Variants in NRXN1 observed in about 807,000 individuals in gnomAD.
NRXN1 encodes neurexin 1.
NRXN1 carries 39 observed loss-of-function variants against 150.9 expected under a neutral mutation model. The ratio of observed to expected loss-of-function variants is 0.26; its 90% confidence interval spans 0.20 to 0.34. The LOEUF (loss-of-function observed/expected upper bound fraction) is 0.34. NRXN1 is among the 10% of genes least tolerant of loss of function. The probability of loss-of-function intolerance (pLI) is 1.00; values close to 1 mark genes in which losing one functional copy is unlikely to be tolerated. For synonymous variants in NRXN1, 924 were observed against 757.0 expected, an observed-to-expected ratio of 1.22 and a Z score of -3.62; for missense variants, 1,815 against 1,949.9, an observed-to-expected ratio of 0.93 and a Z score of 1.30.
In NRXN1 at chr2:50,616,883, T is replaced by G. The variant is rs114406165; in HGVS notation, c.1320+3139A>C. ...CATAATTAAGGGTTTACACATGCAG[T>G]GTGCTATCGACCAGGAAGTCCAAGC... On this transcript the variant is annotated intron_variant, in intron 8 of 22. Coordinates refer to ENST00000401669, the MANE Select transcript of NRXN1 (RefSeq NM_001330078.2). Among the ~76,000 whole-genome samples, 406 of 152,318 alleles carry G rather than the reference T, an allele frequency of 2.7e-3. 1 individual carries two copies. The highest frequency in any genetic ancestry group is 9.5e-3 in the African/African-American group (393 of 41,568).
At chr2:50,639,331 C>T (rs1683726798) in intron 5 of NRXN1, among the ~76,000 whole-genome samples, 1 of 151,222 alleles carries the variant, frequency 6.6e-6, no homozygotes, top group African/African-American at 2.4e-5. Context: ...AGCGATTCTC[C>T]TGCCTCAGGC....
intron 17 of NRXN1, among the ~76,000 whole-genome samples, chr2:50,382,561 G>A (rs1422214552): frequency 6.6e-6 from 1 of 152,124 alleles, no homozygotes; most frequent in East Asian, 1.9e-4. Flanking sequence ...ATTTTTCTTT[G>A]ATATTTATTA....
chr2:50,372,140 T>C (rs1281857419), intron 17 of NRXN1, among the ~76,000 whole-genome samples: 1 of 152,078 alleles, frequency 6.6e-6, no homozygotes, highest in East Asian at 1.9e-4. Flanking sequence ...CCCTCAGTAT[T>C]CTAGTCACCA....
At chr2:50,019,947 CAAAAAAAA>C (rs1161865745) in intron 21 of NRXN1, among the ~76,000 whole-genome samples, 726 of 43,366 alleles carry the variant, frequency 0.017, 34 homozygotes, top group African/African-American at 0.047. Flanking sequence ...GACTCCGTCT[CAAAAAAAA>C]AAAAAAAAAA....
chr2:50,422,828 G>A (rs1028948533), intron 17 of NRXN1, among the ~76,000 whole-genome samples: 6 of 152,154 alleles, frequency 3.9e-5, no homozygotes, highest in Admixed American at 6.5e-5. Context: ...AGGCAGTTAC[G>A]TGGATAAATC....
chr2:49,958,859 G>A (rs1025164444), intron 21 of NRXN1, among the ~76,000 whole-genome samples: 2 of 151,974 alleles, frequency 1.3e-5, no homozygotes, highest in Non-Finnish European at 2.9e-5. Context: ...TTGCCCCTTC[G>A]GATCTGCTTT....
At chr2:50,581,019 G>T (rs916178517) in intron 8 of NRXN1, among the ~76,000 whole-genome samples, 2 of 151,958 alleles carry the variant, frequency 1.3e-5, no homozygotes, top group African/African-American at 4.8e-5. Context: ...ATACTTTTTT[G>T]GAGGACAATA....
At chr2:50,394,013 A>G (rs1280868315) in intron 17 of NRXN1, among the ~76,000 whole-genome samples, 1 of 151,990 alleles carries the variant, frequency 6.6e-6, no homozygotes, top group Non-Finnish European at 1.5e-5. Context: ...TTTTTGAAAC[A>G]CTTTATTTTT....
intron 2 of NRXN1, among the ~76,000 whole-genome samples, chr2:50,940,463 GA>G (rs964471989): frequency 1.6e-4 from 22 of 138,972 alleles, no homozygotes; most frequent in African/African-American, 5.6e-4. Flanking sequence ...GACAGAGCAA[GA>G]CTCCATCTCA....
intron 5 of NRXN1, among the ~76,000 whole-genome samples, chr2:50,836,431 A>G (rs996966453): frequency 2.0e-5 from 3 of 152,030 alleles, no homozygotes; most frequent in Non-Finnish European, 4.4e-5. Flanking sequence ...TATTTCTTCT[A>G]TCTATGGAAA....
At chr2:50,360,718 A>C (rs754790976) in intron 17 of NRXN1, among the ~76,000 whole-genome samples, 9 of 152,300 alleles carry the variant, frequency 5.9e-5, no homozygotes, top group South Asian at 4.1e-4. Flanking sequence ...ACAGAAAATT[A>C]ACAAGGATAT....
chr2:50,767,419 G>C (rs1017269195), intron 5 of NRXN1, among the ~76,000 whole-genome samples: 9 of 151,838 alleles, frequency 5.9e-5, no homozygotes, highest in African/African-American at 2.2e-4. Context: ...CCAGTATTTT[G>C]TGTGATATTA....
At chr2:50,077,611 C>T (rs368421945) in intron 19 of NRXN1, among the ~76,000 whole-genome samples, 4 of 152,174 alleles carry the variant, frequency 2.6e-5, no homozygotes, top group South Asian at 2.1e-4. Flanking sequence ...AATGCTCCAG[C>T]GAAGGTGACC....
intron 18 of NRXN1, among the ~76,000 whole-genome samples, chr2:50,221,873 G>A (rs2063919361): frequency 6.6e-6 from 1 of 151,982 alleles, no homozygotes; most frequent in Non-Finnish European, 1.5e-5. Context: ...GCTAGGACAT[G>A]TATGTTTTAC....
chr2:50,652,422 C>T (rs1685776474), intron 5 of NRXN1, among the ~76,000 whole-genome samples: 4 of 152,002 alleles, frequency 2.6e-5, no homozygotes. Flanking sequence ...CCTAAGCAAA[C>T]ACTAATCTTT....
intron 15 of NRXN1, among the ~76,000 whole-genome samples, chr2:50,494,955 T>G (rs1192590508): frequency 6.7e-6 from 1 of 148,308 alleles, no homozygotes; most frequent in Non-Finnish European, 1.5e-5. Flanking sequence ...TGCTTGAACC[T>G]AAGAGGCAGA....
chr2:50,570,156 C>A (rs541329004), intron 8 of NRXN1, among the ~76,000 whole-genome samples: 1 of 152,044 alleles, frequency 6.6e-6, no homozygotes, highest in African/African-American at 2.4e-5. Context: ...AATATCAAAG[C>A]AGGAATGTCT....
intron 8 of NRXN1, among the ~76,000 whole-genome samples, chr2:50,586,509 T>A (rs1673122395): frequency 6.6e-6 from 1 of 152,132 alleles, no homozygotes; most frequent in Non-Finnish European, 1.5e-5. Flanking sequence ...GTATAAAGTA[T>A]GCACATATTA....
intron 17 of NRXN1, among the ~76,000 whole-genome samples, chr2:50,326,529 A>G (rs2076395010): frequency 6.6e-6 from 1 of 152,168 alleles, no homozygotes; most frequent in Admixed American, 6.5e-5. Context: ...AAAGATGGAA[A>G]TACCAAAGGG....
Sources: allele counts gnomAD v4.1 joint callset (sites outside exome capture counted in the v4.1 genomes callset), GRCh38; gene constraint gnomAD v4.1.1; transcripts MANE v1.5; gene names NCBI Gene and HGNC (gene_info 2026-07-23, HGNC 2026-07-21).